RIMBP2: variants seen among roughly 807,000 people sequenced by gnomAD.
RIMBP2 encodes the protein RIMS binding protein 2.
A neutral mutation model predicts 118.6 loss-of-function variants in RIMBP2; 48 were observed. The ratio of observed to expected loss-of-function variants is 0.40; its 90% CI spans 0.32 to 0.51. RIMBP2 has a LOEUF of 0.51. Among genes scored for constraint, RIMBP2 ranks in the 20% least tolerant of loss-of-function variants. RIMBP2 has a pLI of 0.41. For missense variants in RIMBP2, 1,551 were observed against 1,768.3 expected (o/e 0.88, Z 2.20); for synonymous variants, 762 against 742.9 (o/e 1.03, Z -0.42).
chr12:130,661,138 T>C (rs2063645053), intron 1 of RIMBP2, among the ~76,000 whole-genome samples: 1 of 152,140 alleles, frequency 6.6e-6, no homozygotes, highest in Non-Finnish European at 1.5e-5. Flanking sequence ...CCATTCGCAG[T>C]CTGTATTCCA....
intron 1 of RIMBP2, chr12:130,633,978 T>A (rs1249992585): frequency 6.6e-6 from 1 of 152,258 alleles, no homozygotes; most frequent in East Asian, 1.9e-4. Context: ...GGCCAGGAAC[T>A]GCTTTGTGTC....
At chr12:130,574,912 C>A (rs1667969398) in intron 2 of RIMBP2, among the ~76,000 whole-genome samples, 1 of 152,020 alleles carries the variant, frequency 6.6e-6, no homozygotes, top group African/African-American at 2.4e-5. Context: ...GCGTTGTGAG[C>A]AGAAGACCTG....
chr12:130,473,223 GAATTCTTACA>G (rs561988431), intron 5 of RIMBP2, among the ~76,000 whole-genome samples: 1 of 152,346 alleles, frequency 6.6e-6, no homozygotes, highest in South Asian at 2.1e-4. Context: ...TGGCAGCGCT[GAATTCTTACA>G]AAATCCAAGC....
At position 130,431,518 on chromosome 12, in the gene RIMBP2, A is replaced by G; in HGVS notation, c.2254-3181T>C. The G allele has an allele frequency of 3.2e-6, 1 of 311,642 alleles. No homozygotes were observed. The highest frequency in any genetic ancestry group is 2.9e-5 in the South Asian group (1 of 34,192). 19.3% of individuals were successfully genotyped at this position (311,642 alleles called of 1,614,324 possible). ...CGTTACTTTTAAAGAAAATATCTCA[A>G]CTGTAAATGGAAAATAAGTATCACT... On this transcript the variant is annotated intron_variant, in intron 14 of 22. Coordinates refer to ENST00000690449, the MANE Select transcript of RIMBP2 (RefSeq NM_001393629.1). The surrounding 1 kb of genome is among the most constrained non-coding windows in gnomAD (Gnocchi z 4.0).
intron 2 of RIMBP2, among the ~76,000 whole-genome samples, chr12:130,548,822 T>A (rs2055432730): frequency 2.0e-5 from 3 of 150,476 alleles, no homozygotes; most frequent in African/African-American, 7.4e-5. Context: ...TCCCATGGGG[T>A]CCCCATGGGA....
rs140669459 is a variant in RIMBP2 at position 130,653,363 on chromosome 12, T to C, written c.-351-24907A>G. Among the ~76,000 whole-genome samples the C allele has an allele frequency of 7.2e-5, 11 of 152,356 alleles. No homozygotes were observed. The East Asian group carries it at 2.1e-3, about 29-fold the overall frequency. Reference sequence around the variant, plus strand: ...AACATAGCAGGGCAGTCATTAGATCTTAAATCTCCAAAATAATCCTTGACT... The same window carrying C: ...AACATAGCAGGGCAGTCATTAGATCCTAAATCTCCAAAATAATCCTTGACT... On this transcript the variant is annotated intron_variant, in intron 1 of 22. Coordinates refer to ENST00000690449, the MANE Select transcript of RIMBP2 (RefSeq NM_001393629.1).
At chr12:130,647,541 C>T (rs1240217814) in intron 1 of RIMBP2, among the ~76,000 whole-genome samples, 1 of 144,850 alleles carries the variant, frequency 6.9e-6, no homozygotes, top group Non-Finnish European at 1.6e-5. Context: ...ACCTCAGCTA[C>T]GGAGAGCGGA....
intron 6 of RIMBP2, among the ~76,000 whole-genome samples, chr12:130,468,814 C>T (rs967442223): frequency 2.0e-5 from 3 of 152,222 alleles, no homozygotes; most frequent in East Asian, 1.9e-4. Context: ...CTCTCCTCTG[C>T]GGTCATCTGA....
intron 12 of RIMBP2, among the ~76,000 whole-genome samples, 163 bp downstream of exon 12, chr12:130,438,201 AG>A (rs2077685432): frequency 6.6e-6 from 1 of 152,072 alleles, no homozygotes; most frequent in Admixed American, 6.5e-5. Flanking sequence ...GAAGTGAGGA[AG>A]GGGTCCTGGG....
chr12:130,456,329 G>A (rs192753586), intron 7 of RIMBP2, among the ~76,000 whole-genome samples, 167 bp downstream of exon 7: 18 of 152,298 alleles, frequency 1.2e-4, no homozygotes, highest in African/African-American at 4.3e-4. Context: ...TGTACCGTGT[G>A]CCCCACGGCT....
Position 130,646,147 on chromosome 12 carries a change from C to T in RIMBP2, c.-351-17691G>A, listed in dbSNP as rs552691836. ...CCTGCCTCTCCACCTCCCTCACCAC[C>T]TGCCTCTCCACCTCCCTCACCACCT... is the stretch of plus-strand genomic sequence containing the variant. On this transcript the variant is annotated intron_variant, in intron 1 of 22. Transcript: ENST00000690449. Among the ~76,000 whole-genome samples, 470 of 62,100 alleles carry T rather than the reference C, an allele frequency of 7.6e-3. 35 individuals carry two copies. Among genetic ancestry groups the T allele is most frequent in the African/African-American group, 8.9e-3 (160 of 17,922 alleles). The allele number at this position is 62,100 out of a possible 152,430, so 40.7% of individuals were successfully genotyped here. A position where few individuals can be genotyped will look rare whatever the true frequency, so the allele number is the denominator to read the frequency against.
At chr12:130,540,327 G>A (rs1177554670) in intron 2 of RIMBP2, among the ~76,000 whole-genome samples, 3 of 152,202 alleles carry the variant, frequency 2.0e-5, no homozygotes, top group Admixed American at 6.5e-5. Flanking sequence ...GACAGACAAA[G>A]GCAGGTGAAT....
At chr12:130,662,470 A>G (rs1190913390) in intron 1 of RIMBP2, among the ~76,000 whole-genome samples, 1 of 152,168 alleles carries the variant, frequency 6.6e-6, no homozygotes, top group Non-Finnish European at 1.5e-5. Flanking sequence ...ATCCTGGCCA[A>G]CATGGTGAAA....
intron 4 of RIMBP2, among the ~76,000 whole-genome samples, chr12:130,493,940 T>C (rs1173532554): frequency 6.6e-6 from 1 of 152,182 alleles, no homozygotes; most frequent in East Asian, 1.9e-4. Context: ...GAGCACCAAC[T>C]ACGTCCAGGT....
At chr12:130,432,203 G>T (rs2077195821) in intron 14 of RIMBP2, 1 of 456,412 alleles carries the variant, frequency 2.2e-6, no homozygotes, top group African/African-American at 2.0e-5. Context: ...CGTGGCACAT[G>T]GGGAAAGGCG....
At chr12:130,529,247 C>G (rs2053126459) in intron 2 of RIMBP2, among the ~76,000 whole-genome samples, 1 of 152,166 alleles carries the variant, frequency 6.6e-6, no homozygotes, top group South Asian at 2.1e-4. Flanking sequence ...AGGAATGAAC[C>G]TCAAAAAATG....
rs190817383 is a variant in RIMBP2 at position 130,437,520 on chromosome 12, C to T, written c.1657-229G>A. On this transcript the variant is annotated intron_variant, in intron 12 of 22. Coordinates refer to ENST00000690449, the MANE Select transcript of RIMBP2 (RefSeq NM_001393629.1). ...GGACCCAATCAGTGGTAGAGGGTTC[C>T]GTCAGGCCAGTGACGTCAACCATTT... Among the ~76,000 whole-genome samples, 411 of 152,282 alleles carry T rather than the reference C, an allele frequency of 2.7e-3. 1 individual carries two copies. The highest frequency in any genetic ancestry group is 9.7e-3 in the African/African-American group (403 of 41,556).
intron 1 of RIMBP2, among the ~76,000 whole-genome samples, chr12:130,645,939 T>C (rs1190384157): frequency 1.3e-5 from 2 of 152,154 alleles, no homozygotes; most frequent in Non-Finnish European, 2.9e-5. Context: ...ACTGAATAGC[T>C]TTGTTTGCAC....
intron 1 of RIMBP2, among the ~76,000 whole-genome samples, chr12:130,659,828 G>A (rs1385262621): frequency 6.6e-6 from 1 of 151,860 alleles, no homozygotes; most frequent in Non-Finnish European, 1.5e-5. Context: ...ACAAAAATTA[G>A]CCAGGCATGG....
Sources: allele counts gnomAD v4.1 joint callset (sites outside exome capture counted in the v4.1 genomes callset), GRCh38; gene constraint gnomAD v4.1.1; non-coding constraint Gnocchi (gnomAD v3.1); transcripts MANE v1.5; gene names NCBI Gene and HGNC (gene_info 2026-07-23, HGNC 2026-07-21).